The following CCPG1 variants were observed in gnomAD, a reference collection of about 807,000 sequenced individuals.
The protein encoded by CCPG1 is cell cycle progression protein 1.
CCPG1 carries 46 observed loss-of-function variants against 81.3 expected under a neutral mutation model. The ratio of observed to expected loss-of-function variants is 0.57; its 90% CI spans 0.45 to 0.72. CCPG1 has a LOEUF of 0.72. CCPG1 is among the 30% of genes least tolerant of loss of function. The pLI, the probability that CCPG1 is intolerant of heterozygous loss-of-function variation, is 0.00. For missense variants in CCPG1, 902 were observed against 937.6 expected (o/e 0.96, Z 0.50); for synonymous variants, 330 against 305.2 (o/e 1.08, Z -0.85).
chr15:55,395,513 C>A (rs2056999503), intron 1 of CCPG1, among the ~76,000 whole-genome samples: 2 of 152,102 alleles, frequency 1.3e-5, no homozygotes, highest in African/African-American at 4.8e-5. Flanking sequence ...TTCATTCCCG[C>A]TTTGCCCAAC....
chr15:55,368,544 A>G (rs1475512521), intron 6 of CCPG1, among the ~76,000 whole-genome samples: 1 of 152,226 alleles, frequency 6.6e-6, no homozygotes, highest in Admixed American at 6.5e-5. Flanking sequence ...AAGCAACTCG[A>G]GGAGAAAACC....
rs184181971 is a variant in CCPG1, at chr15:55,361,912, A to G, written c.829-968T>C. Among the ~76,000 whole-genome samples the G allele has an allele frequency of 1.2e-4, 19 of 152,296 alleles. No homozygotes were observed. In the East Asian group the frequency reaches 3.7e-3, roughly 29 times the overall value. ...TATAACCATGTTAGAAGACAGACTG[A>G]ATCTTGAACATTTATAACTAACTTA... On this transcript the variant is annotated intron_variant, in intron 7 of 8. Coordinates refer to ENST00000442196, the MANE Select transcript of CCPG1 (RefSeq NM_001204450.2).
At position 55,360,748 on chromosome 15, in the gene CCPG1, C is replaced by T. The variant is rs1222965548; in HGVS notation, c.1025G>A (p.Gly342Glu). 2 of 1,611,522 alleles carry T rather than the reference C, an allele frequency of 1.2e-6. No individual in the cohort carries two copies. The highest frequency in any genetic ancestry group is 1.3e-5 in the African/African-American group (1 of 74,568). ...TTCTTTAACTAATTCAGTACTTGTC[C>T]CTTTATCTTCCAATATTCTAATCTG... ...REQIRILEDK[G>E]TSTELVKENQ... Residue 342 changes from glycine (G) to glutamate (E), a missense_variant, in exon 8 of 9, where the codon GGG becomes GAG. Physicochemically the swap from Gly to Glu is moderately conservative, Grantham distance 98. This residue lies in a region of CCPG1 where 746 missense variants were observed against 728.6 expected (regional missense o/e 1.02). Transcript: ENST00000442196.
chr15:55,387,139 G>C (rs1428627701), intron 2 of CCPG1, among the ~76,000 whole-genome samples: 3 of 152,284 alleles, frequency 2.0e-5, no homozygotes, highest in Non-Finnish European at 2.9e-5. Flanking sequence ...AGCAGATATA[G>C]AAGAAGAGAG....
chr15:55,379,406 T>C (rs1043205668), intron 3 of CCPG1, among the ~76,000 whole-genome samples: 1 of 152,010 alleles, frequency 6.6e-6, no homozygotes, highest in African/African-American at 2.4e-5. Flanking sequence ...TATGTGCCTA[T>C]AGTACTAGCT....
At chr15:55,380,591 G>A (rs185630470) in intron 3 of CCPG1, among the ~76,000 whole-genome samples, 8 of 151,878 alleles carry the variant, frequency 5.3e-5, no homozygotes, top group Non-Finnish European at 7.4e-5. Flanking sequence ...TACCGCGCCC[G>A]GTCGATCATG....
rs2056519744 is a variant in CCPG1, at chr15:55,374,503, C to T, written c.454+2446G>A. Among the ~76,000 whole-genome samples the T allele has an allele frequency of 2.0e-5, 3 of 150,918 alleles. No homozygotes were observed. The South Asian group carries it at 6.3e-4, about 31-fold the overall frequency. On this transcript the variant is annotated intron_variant, in intron 5 of 8. Coordinates refer to ENST00000442196, the MANE Select transcript of CCPG1 (RefSeq NM_001204450.2). ...TAACCCAACAAAACGTACACTGCCA[C>T]AAGAATATAAGTCAGGAGAAGAAAA...
intron 1 of CCPG1, among the ~76,000 whole-genome samples, chr15:55,405,075 A>G (rs2057191918): frequency 6.6e-6 from 1 of 152,060 alleles, no homozygotes; most frequent in Admixed American, 6.6e-5. Context: ...AAATACAAAA[A>G]TTAGGTCAGG....
chr15:55,400,029 C>T (rs995003222), intron 1 of CCPG1: 1 of 151,002 alleles, frequency 6.6e-6, no homozygotes, highest in Non-Finnish European at 1.5e-5. Flanking sequence ...GGCAAAACCC[C>T]ATCTCTACTA....
rs895199646 is a variant in CCPG1 at position 55,378,361 on chromosome 15, C to A, written c.191G>T (p.Gly64Val). 1 of 1,607,744 alleles carries A rather than the reference C, an allele frequency of 6.2e-7. No homozygotes were observed. Among genetic ancestry groups the A allele is most frequent in the African/African-American group, 1.3e-5 (1 of 74,800 alleles). The change falls in exon 4 of 9, where the codon GGC becomes GTC. Residue 64 changes from glycine (G) to valine (V), a missense_variant. By Grantham distance (109) the Gly-to-Val change is moderately radical (BLOSUM62 -3). Transcript: ENST00000442196. ...AGCAGTTTCTTCCATAAGCACTGTGCCATTTTGGCTGCTTTCTGATATAAA... is the reference window on the plus strand; with the variant it reads ...AGCAGTTTCTTCCATAAGCACTGTGACATTTTGGCTGCTTTCTGATATAAA... ...QIEQGESSQN[G>V]TVLMEETAYP...
intron 3 of CCPG1, among the ~76,000 whole-genome samples, chr15:55,379,216 T>C (rs879768265): frequency 3.8e-5 from 5 of 132,736 alleles, no homozygotes; most frequent in Admixed American, 1.5e-4. Context: ...TAAGAAAACA[T>C]AAACTATAAA....
chr15:55,388,494 G>A (rs1025943242), intron 2 of CCPG1, among the ~76,000 whole-genome samples: 8 of 152,108 alleles, frequency 5.3e-5, no homozygotes, highest in African/African-American at 1.9e-4. Flanking sequence ...TCAAATCCAG[G>A]ATCTATTTTC....
At chr15:55,370,014 AT>A (rs201779049) in intron 6 of CCPG1, among the ~76,000 whole-genome samples, 1 of 149,582 alleles carries the variant, frequency 6.7e-6, no homozygotes, top group South Asian at 2.1e-4. Context: ...GTAAATATAT[AT>A]TTCAAATCAA....
At chr15:55,394,950 C>T (rs2056987406) in intron 1 of CCPG1, among the ~76,000 whole-genome samples, 1 of 152,126 alleles carries the variant, frequency 6.6e-6, no homozygotes, top group African/African-American at 2.4e-5. Flanking sequence ...CACATGGTTA[C>T]ATTTCTTCTC....
chr15:55,367,574 G>A (rs2056356209), intron 6 of CCPG1, among the ~76,000 whole-genome samples: 1 of 151,434 alleles, frequency 6.6e-6, no homozygotes, highest in South Asian at 2.1e-4. Flanking sequence ...TCTCATCAGA[G>A]CTTCTAGCCA....
intron 8 of CCPG1, chr15:55,356,982 T>A: frequency 1.0e-6 from 1 of 985,606 alleles, no homozygotes; most frequent in East Asian, 1.1e-4. Context: ...TTATTCCTTT[T>A]ACTTGAGATG....
rs148736028 is a variant in CCPG1 at position 55,393,423 on chromosome 15, G to A, written c.-9-3990C>T. On this transcript the variant is annotated intron_variant, in intron 1 of 8. Coordinates refer to ENST00000442196, the MANE Select transcript of CCPG1 (RefSeq NM_001204450.2). ...TGACTGCACTCCAGCCTGGGTAACA[G>A]AGCAAGACCCTGTCTCAAAAAAATG... 7.2e-5 allele frequency among the ~76,000 whole-genome samples: 11 copies of A among 152,306 alleles called. No homozygotes were observed. In the South Asian group the frequency reaches 1.9e-3, roughly 26 times the overall value.
intron 1 of CCPG1, among the ~76,000 whole-genome samples, chr15:55,407,632 A>C (rs912484304): frequency 5.3e-5 from 8 of 152,222 alleles, no homozygotes; most frequent in African/African-American, 1.9e-4. Flanking sequence ...GCTAATGAGG[A>C]CAAATCGATT....
chr15:55,400,588 A>C (rs76549911), intron 1 of CCPG1, among the ~76,000 whole-genome samples: 26,906 of 151,850 alleles, frequency 0.18, 4,094 homozygotes, highest in African/African-American at 0.42. Flanking sequence ...CAAACAAAAA[A>C]AATTATAGAT....
Sources: gnomAD v4.1 joint callset for allele counts (sites outside exome capture counted in the v4.1 genomes callset) on GRCh38, gnomAD v4.1.1 for gene constraint, gnomAD v4.1.1 regional missense constraint, MANE v1.5 for transcripts, NCBI Gene and HGNC (gene_info 2026-07-23, HGNC 2026-07-21) for gene names.